TRAPPC6A: variants seen among roughly 807,000 people sequenced by gnomAD.
TRAPPC6A encodes trafficking protein particle complex subunit 6A.
TRAPPC6A carries 25 observed loss-of-function variants against 20.8 expected under a neutral mutation model. The ratio of observed to expected loss-of-function variants is 1.20; its 90% confidence interval spans 0.88 to 1.68. The LOEUF (loss-of-function observed/expected upper bound fraction) is 1.68. Among genes scored for constraint, TRAPPC6A ranks in the 40% most tolerant of loss-of-function variants. The pLI, the probability that TRAPPC6A is intolerant of heterozygous loss-of-function variation, is 0.00. For synonymous variants in TRAPPC6A, 96 were observed against 93.3 expected (o/e 1.03, Z -0.16); for missense variants, 215 against 211.6 (o/e 1.02, Z -0.10).
At chr19:45,170,688 CAT>C (rs761735010) in intron 1 of TRAPPC6A, among the ~76,000 whole-genome samples, 1 of 152,252 alleles carries the variant, frequency 6.6e-6, no homozygotes, top group African/African-American at 2.4e-5. Context: ...AGTTTCCCCA[CAT>C]GTGCCATGGG....
intron 3 of TRAPPC6A, 52 bp from the exon 4 acceptor site, chr19:45,164,299 C>T (rs764391151): frequency 1.6e-5 from 20 of 1,279,086 alleles, no homozygotes; most frequent in Admixed American, 4.7e-5. Flanking sequence ...ACATTTGAAG[C>T]GCAGGGAGGG....
At chr19:45,170,750 C>G (rs1350620470) in intron 1 of TRAPPC6A, among the ~76,000 whole-genome samples, 1 of 152,222 alleles carries the variant, frequency 6.6e-6, no homozygotes, top group Non-Finnish European at 1.5e-5. Flanking sequence ...CAGGTGGCAA[C>G]AGCTGGATAC....
intron 1 of TRAPPC6A, among the ~76,000 whole-genome samples, chr19:45,167,441 C>T (rs1402184332): frequency 1.3e-5 from 2 of 152,168 alleles, no homozygotes; most frequent in African/African-American, 2.4e-5. Context: ...GCTATACATA[C>T]GTTTAAGAAA....
chr19:45,170,697 T>C (rs1230380502), intron 1 of TRAPPC6A, among the ~76,000 whole-genome samples: 2 of 152,228 alleles, frequency 1.3e-5, no homozygotes, highest in African/African-American at 2.4e-5. Context: ...ACATGTGCCA[T>C]GGGGCTAATG....
chr19:45,168,963 G>T (rs1468143274), intron 1 of TRAPPC6A, among the ~76,000 whole-genome samples: 3 of 152,214 alleles, frequency 2.0e-5, no homozygotes, highest in Non-Finnish European at 4.4e-5. Flanking sequence ...CCCCTTGCCA[G>T]GCCTCGCCCT....
chr19:45,173,613 CTG>C lies in TRAPPC6A; in HGVS notation c.84+4520_84+4521del, dbSNP rs1170233883. On this transcript the variant is annotated intron_variant, in intron 1 of 5. Transcript: ENST00000585934. This position sits in a 1 kb window ranked among gnomAD's most constrained non-coding sequence, Gnocchi z 4.8. The stretch of plus-strand genomic sequence containing the variant: ...TCCTGAGGACTAAATGCAGTCAACA[CTG>C]TGCAAGTACTGCACAGACGCCCTCA... 2.0e-5 allele frequency among the ~76,000 whole-genome samples: 3 copies of C among 152,230 alleles called. No homozygotes were observed. The highest frequency in any genetic ancestry group is 7.2e-5 in the African/African-American group (3 of 41,464).
At chr19:45,175,260 CAA>C (rs35729001) in intron 1 of TRAPPC6A, among the ~76,000 whole-genome samples, 57 of 103,316 alleles carry the variant, frequency 5.5e-4, no homozygotes, top group Non-Finnish European at 6.6e-4. Flanking sequence ...GACTCTGTCT[CAA>C]AAAAAAAAAA....
chr19:45,164,187 G>A lies in TRAPPC6A; in HGVS notation c.331C>T (p.Gln111Ter). 6.2e-7 allele frequency: 1 copy of A among 1,610,176 alleles called. No individual in the cohort carries two copies. Among genetic ancestry groups the A allele is most frequent in the South Asian group, 1.1e-5 (1 of 90,006 alleles). The change falls in exon 4 of 6, where the codon CAG (glutamine) becomes TAG (stop). Residue 111 changes from glutamine (Q) to a stop codon, truncating the protein, a stop_gained. Coordinates refer to ENST00000585934, the MANE Select transcript of TRAPPC6A (RefSeq NM_001270891.2). LOFTEE classifies it high-confidence loss of function. The part of the protein sequence containing the change: ...PLLLPMASGL[Q>*]YLEEAPKFLA... ...ACCTTGGGTGCTTCCTCCAGATACTGCAGGCCAGAGGCCATCGGGAGGAGG... is the reference window on the plus strand; with the variant it reads ...ACCTTGGGTGCTTCCTCCAGATACTACAGGCCAGAGGCCATCGGGAGGAGG...
At chr19:45,166,515 CTT>C (rs1445580488) in intron 1 of TRAPPC6A, among the ~76,000 whole-genome samples, 17 of 137,118 alleles carry the variant, frequency 1.2e-4, no homozygotes, top group African/African-American at 2.7e-4. Flanking sequence ...GGCCATGGAT[CTT>C]TTTTTTTTTT....
Position 45,162,992 on chromosome 19 carries a change from TCCC to T in TRAPPC6A, c.*197_*199del. The T allele has an allele frequency of 8.6e-6, 4 of 465,698 alleles. No individual in the cohort carries two copies. The highest frequency in any genetic ancestry group is 4.2e-5 in the Admixed American group (1 of 23,978). 28.8% of individuals were successfully genotyped at this position (465,698 alleles called of 1,614,324 possible). A position where few individuals can be genotyped will look rare whatever the true frequency, so the allele number is the denominator to read the frequency against. On this transcript the variant is annotated 3_prime_UTR_variant, in exon 6 of 6. Transcript: ENST00000585934. Reference sequence around the variant, plus strand: ...GGCAGTGACGCTGCCGAGGCGGGAATCCCACCACAGTCCTGACCGCAGCTGGGA... The same window carrying T: ...GGCAGTGACGCTGCCGAGGCGGGAATACCACAGTCCTGACCGCAGCTGGGA...
At chr19:45,166,910 G>C (rs1969167071) in intron 1 of TRAPPC6A, among the ~76,000 whole-genome samples, 1 of 152,182 alleles carries the variant, frequency 6.6e-6, no homozygotes, top group African/African-American at 2.4e-5. Context: ...CCAGCCTGGA[G>C]AGCGTGTCCG....
At chr19:45,177,771 A>G (rs1969422510) in intron 1 of TRAPPC6A, among the ~76,000 whole-genome samples, 1 of 152,186 alleles carries the variant, frequency 6.6e-6, no homozygotes, top group Non-Finnish European at 1.5e-5. Flanking sequence ...GTACGTTATG[A>G]TACTCATTTT....
chr19:45,177,008 A>T (rs530485745), intron 1 of TRAPPC6A, among the ~76,000 whole-genome samples: 9 of 151,880 alleles, frequency 5.9e-5, no homozygotes, highest in Non-Finnish European at 1.2e-4. Context: ...CTACTAAAAA[A>T]AATAATAATA....
In TRAPPC6A at chr19:45,163,375, CTG is replaced by C. The variant is rs1340247600; in HGVS notation, c.449-154_449-153del. ...CCGCCCACGGGGCCGCATCCCTGAG[CTG>C]TGTGAGTAACCAGGAGCATGAGGGC... On this transcript the variant is annotated intron_variant, in intron 5 of 5. Coordinates refer to ENST00000585934, the MANE Select transcript of TRAPPC6A (RefSeq NM_001270891.2). The surrounding 1 kb of genome is among the most constrained non-coding windows in gnomAD (Gnocchi z 5.3). 2.6e-5 allele frequency: 21 copies of C among 800,612 alleles called. 1 individual carries two copies. The South Asian group carries it at 2.9e-4, about 11-fold the overall frequency. 49.6% of individuals were successfully genotyped at this position (800,612 alleles called of 1,614,324 possible).
At chr19:45,174,827 TAA>T (rs1033091277) in intron 1 of TRAPPC6A, among the ~76,000 whole-genome samples, 1 of 150,504 alleles carries the variant, frequency 6.6e-6, no homozygotes, top group Non-Finnish European at 1.5e-5. Flanking sequence ...AGACTCTCTT[TAA>T]AAAAAAATCA....
intron 1 of TRAPPC6A, among the ~76,000 whole-genome samples, chr19:45,167,228 G>GT (rs1311845538): frequency 3.9e-5 from 6 of 152,114 alleles, no homozygotes; most frequent in Non-Finnish European, 7.3e-5. Context: ...AAAGGACACC[G>GT]TAAGTCCTTA....
chr19:45,165,744 C>G (rs1317171698), intron 1 of TRAPPC6A, among the ~76,000 whole-genome samples: 1 of 152,096 alleles, frequency 6.6e-6, no homozygotes, highest in Non-Finnish European at 1.5e-5. Context: ...CGTTTGGGTG[C>G]TCGAAAAGGA....
intron 1 of TRAPPC6A, among the ~76,000 whole-genome samples, chr19:45,171,070 G>C (rs1402746209): frequency 6.6e-6 from 1 of 152,228 alleles, no homozygotes; most frequent in Non-Finnish European, 1.5e-5. Context: ...GGGAAGCCAA[G>C]GCGGGAGGAT....
chr19:45,170,250 A>G (rs1482100987), intron 1 of TRAPPC6A, among the ~76,000 whole-genome samples: 1 of 152,242 alleles, frequency 6.6e-6, no homozygotes, highest in Non-Finnish European at 1.5e-5. Context: ...AGTGGGCCAC[A>G]GACTCAGTCC....
Sources: gnomAD v4.1 joint callset for allele counts (sites outside exome capture counted in the v4.1 genomes callset) on GRCh38, gnomAD v4.1.1 for gene constraint, Gnocchi (gnomAD v3.1) non-coding constraint, MANE v1.5 for transcripts, NCBI Gene and HGNC (gene_info 2026-07-23, HGNC 2026-07-21) for gene names.